DST: variants seen among roughly 807,000 people sequenced by gnomAD.
DST encodes the protein dystonin.
In DST, 253 loss-of-function variants were observed where a neutral mutation model predicts 875.2. That is an observed-to-expected ratio of 0.29 (90% CI 0.26 to 0.32). The LOEUF is 0.32. DST is among the 10% of genes least tolerant of loss of function. The pLI, the probability that DST is intolerant of heterozygous loss-of-function variation, is 1.00. For missense variants in DST, 8,287 were observed against 9,111.6 expected (o/e 0.91, Z 3.68); for synonymous variants, 3,124 against 3,197.1 (o/e 0.98, Z 0.77).
rs1049833603 is a variant in DST, at chr6:56,566,934, T to C, written c.14005+1535A>G. Among the ~76,000 whole-genome samples, 5 of 152,202 alleles carry C rather than the reference T, an allele frequency of 3.3e-5. No homozygotes were observed. In the East Asian group the frequency reaches 7.7e-4, roughly 23 times the overall value. On this transcript the variant is annotated intron_variant, in intron 55 of 103. Coordinates refer to ENST00000680361, the MANE Select transcript of DST (RefSeq NM_001374736.1). ...ATTACGTCAACACTAAGAGAGAGCA[T>C]GGTGGTTAGGAGTACCTAGGTCTTG...
At chr6:56,657,870 A>C (rs2152807860) in intron 10 of DST, among the ~76,000 whole-genome samples, 1 of 152,050 alleles carries the variant, frequency 6.6e-6, no homozygotes, top group East Asian at 1.9e-4. Flanking sequence ...GGTTCTAGCA[A>C]TTCTCCTGCC....
At chr6:56,808,369 C>T (rs1191132512) in intron 4 of DST, among the ~76,000 whole-genome samples, 1 of 151,286 alleles carries the variant, frequency 6.6e-6, no homozygotes, top group African/African-American at 2.4e-5. Flanking sequence ...AGTTTGAGGA[C>T]AAAAAGCGTT....
At chr6:56,471,930 T>A in intron 94 of DST, 129 bp downstream of exon 94, 1 of 920,372 alleles carries the variant, frequency 1.1e-6, no homozygotes, top group Non-Finnish European at 1.8e-6. Context: ...AATTTAAAAA[T>A]GTACTCAAAT....
chr6:56,656,043 ATC>A (rs2099006515), intron 10 of DST, among the ~76,000 whole-genome samples: 1 of 152,254 alleles, frequency 6.6e-6, no homozygotes, highest in Non-Finnish European at 1.5e-5. Context: ...ACTGGGACAT[ATC>A]AGTGTTTCAA....
chr6:56,871,125 T>A (rs544523066), intron 3 of DST: 1 of 603,944 alleles, frequency 1.7e-6, no homozygotes, highest in Non-Finnish European at 3.0e-6. Context: ...CAAAAAGATA[T>A]AAACATATGA....
chr6:56,598,409 A>G, intron 46 of DST, 67 bp downstream of exon 46: 1 of 927,904 alleles, frequency 1.1e-6, no homozygotes. Context: ...CTGGATATTA[A>G]TAATAAATCA....
At chr6:56,526,686 C>A (rs193191608) in intron 68 of DST, 119 bp from the exon 69 acceptor site, 83 of 845,306 alleles carry the variant, frequency 9.8e-5, no homozygotes, top group South Asian at 5.3e-4. Context: ...CCACTCCCCC[C>A]CTCCCTTAGT....
At chr6:56,669,783 T>A (rs544230262) in intron 10 of DST, among the ~76,000 whole-genome samples, 1 of 152,244 alleles carries the variant, frequency 6.6e-6, no homozygotes, top group Non-Finnish European at 1.5e-5. Flanking sequence ...TCTGTCTGTT[T>A]ACTGGGATGA....
Position 56,607,357 on chromosome 6 carries a change from C to CTGTT in DST, c.7267_7270dup (p.Arg2424LysfsTer8). 1 of 1,613,004 alleles carries CTGTT rather than the reference C, an allele frequency of 6.2e-7. No individual in the cohort carries two copies. On this transcript the variant is annotated frameshift_variant, in exon 40 of 104. Transcript: ENST00000680361. LOFTEE classifies it high-confidence loss of function. Reference sequence around the variant, plus strand: ...GGAATAGTCAAAGATAGGTGAATCCCTGTTTGTATTATCTTCATTCTCTGT... The same window carrying CTGTT: ...GGAATAGTCAAAGATAGGTGAATCCCTGTTTGTTTGTATTATCTTCATTCTCTGT...
intron 3 of DST, chr6:56,871,825 C>T (rs1218047415): frequency 1.0e-5 from 3 of 291,804 alleles, no homozygotes; most frequent in South Asian, 6.8e-5. Flanking sequence ...GCATCATTAA[C>T]AATCAGGGTA....
intron 66 of DST, 106 bp downstream of exon 66, chr6:56,529,342 C>T (rs1306089209): frequency 8.5e-6 from 8 of 945,024 alleles, no homozygotes; most frequent in Non-Finnish European, 1.2e-5. Flanking sequence ...TTAAGTACAG[C>T]AATTCATCGA....
At chr6:56,525,825 C>T (rs1362597300) in intron 69 of DST, among the ~76,000 whole-genome samples, 1 of 152,194 alleles carries the variant, frequency 6.6e-6, no homozygotes, top group Non-Finnish European at 1.5e-5. Flanking sequence ...TTGGAGTATA[C>T]ATTCTGCAGG....
At chr6:56,903,316 A>G (rs145959531) in intron 2 of DST, among the ~76,000 whole-genome samples, 2 of 152,208 alleles carry the variant, frequency 1.3e-5, no homozygotes, top group African/African-American at 2.4e-5. Context: ...AAACTTCGCT[A>G]AAGTAACCAA....
At chr6:56,589,572 A>C (rs750115535) in intron 49 of DST, among the ~76,000 whole-genome samples, 4 of 152,226 alleles carry the variant, frequency 2.6e-5, no homozygotes, top group Non-Finnish European at 5.9e-5. Context: ...TCCTGACTTA[A>C]CACCACCCCA....
At chr6:56,613,314 C>T (rs1257931549) in intron 37 of DST, among the ~76,000 whole-genome samples, 2 of 152,162 alleles carry the variant, frequency 1.3e-5, no homozygotes, top group East Asian at 1.9e-4. Context: ...GAATACTTCA[C>T]TTCAACTGAA....
chr6:56,850,843 G>C (rs1347319476), intron 4 of DST, among the ~76,000 whole-genome samples: 1 of 152,190 alleles, frequency 6.6e-6, no homozygotes, highest in Non-Finnish European at 1.5e-5. Context: ...AGGCGTGATG[G>C]CCAAACCCTC....
rs2098513530 is a variant in DST, at chr6:56,608,041, T to C, written c.6587A>G (p.Glu2196Gly). The part of the protein sequence containing the change: ...EEPVTTQTSE[E>G]TKKLFLSYLM... Reference sequence around the variant, plus strand: ...ATAAGATAGAAATAATTTTTTAGTTTCTTCTGAGGTCTGAGTAGTGACAGG... The same window carrying C: ...ATAAGATAGAAATAATTTTTTAGTTCCTTCTGAGGTCTGAGTAGTGACAGG... The change falls in exon 40 of 104, where the codon GAA becomes GGA. Residue 2196 changes from glutamate to glycine, a missense_variant. By Grantham distance (98) the Glu-to-Gly change is moderately conservative. Transcript: ENST00000680361. The C allele has an allele frequency of 6.2e-7, 1 of 1,612,970 alleles. No individual in the cohort carries two copies. Among genetic ancestry groups the C allele is most frequent in the South Asian group, 1.1e-5 (1 of 90,888 alleles).
At chr6:56,882,753 T>A (rs1157865043) in intron 3 of DST, among the ~76,000 whole-genome samples, 1 of 152,228 alleles carries the variant, frequency 6.6e-6, no homozygotes, top group Non-Finnish European at 1.5e-5. Context: ...TGTAATTTGC[T>A]GGAATAAAAT....
Position 56,634,581 on chromosome 6 carries a change from C to T in DST, c.3375G>A (p.Ala1125=), listed in dbSNP as rs149789667. Residue 1125 remains alanine, a synonymous_variant, in exon 26 of 104, where the codon GCG becomes GCA. Transcript: ENST00000680361. ...TIYKDDECVL[A]NNSHRAKWKV... ...TCCATTTAGCACGATGAGAGTTATT[C>T]GCCAAAACACATTCATCGTCTTTGT... 67 of 1,614,098 alleles carry T rather than the reference C, an allele frequency of 4.2e-5. No homozygotes were observed. The highest frequency in any genetic ancestry group is 1.9e-4 in the African/African-American group (14 of 74,998).
Sources: gnomAD v4.1 joint callset for allele counts (sites outside exome capture counted in the v4.1 genomes callset) on GRCh38, gnomAD v4.1.1 for gene constraint, MANE v1.5 for transcripts, NCBI Gene and HGNC (gene_info 2026-07-23, HGNC 2026-07-21) for gene names.